PBX3: variants seen among roughly 807,000 people sequenced by gnomAD.
The protein encoded by PBX3 is PBX homeobox 3.
A neutral mutation model predicts 48.5 loss-of-function variants in PBX3; 14 were observed. The observed-to-expected ratio is 0.29, with a 90% CI of 0.19 to 0.45. PBX3 has a LOEUF of 0.45. Among genes scored for constraint, PBX3 ranks in the 20% least tolerant of loss-of-function variants. The pLI, the probability that PBX3 is intolerant of heterozygous loss-of-function variation, is 1.00. For synonymous variants in PBX3, 210 were observed against 200.3 expected (o/e 1.05, Z -0.41); for missense variants, 386 against 546.7 (o/e 0.71, Z 2.93).
At chr9:125,897,252 A>T (rs376188436) in intron 2 of PBX3, among the ~76,000 whole-genome samples, 19 of 149,104 alleles carry the variant, frequency 1.3e-4, no homozygotes, top group African/African-American at 4.4e-4. Flanking sequence ...CATTGGAATG[A>T]TAGGACATTT....
intron 2 of PBX3, among the ~76,000 whole-genome samples, chr9:125,756,397 A>G (rs1428174912): frequency 5.3e-5 from 8 of 152,150 alleles, no homozygotes; most frequent in Middle Eastern, 3.2e-3. Flanking sequence ...GAAAGGGAGG[A>G]AGACAGACCT....
chr9:125,929,840 T>C lies in PBX3; in HGVS notation c.702T>C (p.Asp234=). Residue 234 remains aspartate (D), a synonymous_variant, in exon 4 of 9, where the codon GAT becomes GAC. Transcript: ENST00000373489. ...AVMILRSRFL[D]ARRKRRNFSK... ...TGATTTTAAGATCAAGGTTCCTTGATGCCAGGTATGTGAAGCCATAAATCT... is the reference window on the plus strand; with the variant it reads ...TGATTTTAAGATCAAGGTTCCTTGACGCCAGGTATGTGAAGCCATAAATCT... 2 of 1,611,430 alleles carry C rather than the reference T, an allele frequency of 1.2e-6. No individual in the cohort carries two copies. The highest frequency in any genetic ancestry group is 1.7e-6 in the Non-Finnish European group (2 of 1,177,676).
chr9:125,791,285 G>GTC (rs1163039509), intron 2 of PBX3, among the ~76,000 whole-genome samples: 1 of 57,126 alleles, frequency 1.8e-5, no homozygotes, highest in Non-Finnish European at 4.2e-5. Flanking sequence ...ATTTTTATCT[G>GTC]TCTGTCTGTC....
intron 2 of PBX3, among the ~76,000 whole-genome samples, chr9:125,843,228 A>G (rs1839334281): frequency 6.6e-6 from 1 of 152,154 alleles, no homozygotes; most frequent in African/African-American, 2.4e-5. Context: ...CCCATAAGAG[A>G]CTGACATTCT....
At chr9:125,863,709 G>A (rs1839917030) in intron 2 of PBX3, among the ~76,000 whole-genome samples, 1 of 152,056 alleles carries the variant, frequency 6.6e-6, no homozygotes, top group African/African-American at 2.4e-5. Flanking sequence ...TAAGAAACCA[G>A]CATTTCTTAT....
rs538714901 is a variant in PBX3 at position 125,966,279 on chromosome 9, A to C, written c.*356A>C. ...AAAGTACAATATACACTAAACCTCA[A>C]CCGTTAAAGCAGATGCAAAAATTCA... is the stretch of plus-strand genomic sequence containing the variant. On this transcript the variant is annotated 3_prime_UTR_variant, in exon 9 of 9. Coordinates refer to ENST00000373489, the MANE Select transcript of PBX3 (RefSeq NM_006195.6). 1 of 162,270 alleles carries C rather than the reference A, an allele frequency of 6.2e-6. No homozygotes were observed. The highest frequency in any genetic ancestry group is 2.4e-5 in the African/African-American group (1 of 41,780). The allele number at this position is 162,270 out of a possible 1,614,324, so 10.1% of individuals were successfully genotyped here.
intron 5 of PBX3, among the ~76,000 whole-genome samples, chr9:125,948,328 T>A (rs1200924549): frequency 2.0e-5 from 3 of 152,222 alleles, no homozygotes; most frequent in Non-Finnish European, 4.4e-5. Flanking sequence ...ATTTGAAAGT[T>A]GACTATATTC....
At chr9:125,823,149 A>C (rs1277958117) in intron 2 of PBX3, among the ~76,000 whole-genome samples, 2 of 152,186 alleles carry the variant, frequency 1.3e-5, no homozygotes, top group East Asian at 3.8e-4. Flanking sequence ...AAACTCCAAA[A>C]TACAGTTGTG....
chr9:125,784,437 T>A (rs1032251715), intron 2 of PBX3, among the ~76,000 whole-genome samples: 3 of 152,182 alleles, frequency 2.0e-5, no homozygotes, highest in African/African-American at 7.2e-5. Context: ...CCAGGTTTTG[T>A]GATTTTGTTG....
chr9:125,937,572 G>A (rs575197696), intron 5 of PBX3, among the ~76,000 whole-genome samples: 1 of 152,236 alleles, frequency 6.6e-6, no homozygotes, highest in East Asian at 1.9e-4. Context: ...TCAGAAATAA[G>A]TTATGCTTAT....
chr9:125,776,389 C>G (rs1391227180), intron 2 of PBX3, among the ~76,000 whole-genome samples: 1 of 151,666 alleles, frequency 6.6e-6, no homozygotes, highest in East Asian at 1.9e-4. Flanking sequence ...GGACTAAATT[C>G]CATTTGGTCA....
At chr9:125,965,312 C>G (rs1020978071) in intron 8 of PBX3, among the ~76,000 whole-genome samples, 2 of 152,194 alleles carry the variant, frequency 1.3e-5, no homozygotes, top group African/African-American at 4.8e-5. Context: ...GCGGCTCATG[C>G]ATTTTCATTC....
chr9:125,780,782 C>T (rs1837265314), intron 2 of PBX3, among the ~76,000 whole-genome samples: 2 of 146,592 alleles, frequency 1.4e-5, no homozygotes, highest in Non-Finnish European at 1.5e-5. Flanking sequence ...GGCTGACCCC[C>T]CCACCTCCCT....
chr9:125,829,511 G>A (rs557441236), intron 2 of PBX3, among the ~76,000 whole-genome samples: 3 of 152,208 alleles, frequency 2.0e-5, no homozygotes, highest in Admixed American at 2.0e-4. Flanking sequence ...CTAGTCAGGG[G>A]TTGCTTTAAA....
rs533572535 is a variant in PBX3, at chr9:125,929,241, A to G, written c.517-414A>G. Among the ~76,000 whole-genome samples, 21 of 152,328 alleles carry G rather than the reference A, an allele frequency of 1.4e-4. No individual in the cohort carries two copies. The South Asian group carries it at 4.3e-3, about 32-fold the overall frequency. On this transcript the variant is annotated intron_variant, in intron 3 of 8. Transcript: ENST00000373489. Reference sequence around the variant, plus strand: ...TGCTCATTTCTGTGTTCCTTATAGCACTGGCAAGAGTTTGAACTTTGTAGT... The same window carrying G: ...TGCTCATTTCTGTGTTCCTTATAGCGCTGGCAAGAGTTTGAACTTTGTAGT...
intron 3 of PBX3, among the ~76,000 whole-genome samples, chr9:125,927,786 C>T (rs1841611232): frequency 6.6e-6 from 1 of 152,160 alleles, no homozygotes; most frequent in African/African-American, 2.4e-5. Flanking sequence ...CACCTGTAAT[C>T]CTAGCAGCTC....
At chr9:125,844,885 A>G (rs1246163005) in intron 2 of PBX3, 2 of 152,056 alleles carry the variant, frequency 1.3e-5, no homozygotes, top group Non-Finnish European at 2.9e-5. Flanking sequence ...CATTCGCTGA[A>G]CCATAATGAA....
intron 2 of PBX3, among the ~76,000 whole-genome samples, chr9:125,856,987 T>C (rs1016122178): frequency 2.6e-5 from 4 of 152,236 alleles, no homozygotes; most frequent in Admixed American, 1.3e-4. Flanking sequence ...GTTTAATTTC[T>C]TGAAAGTTCA....
At chr9:125,753,894 G>A (rs1210679101) in intron 2 of PBX3, among the ~76,000 whole-genome samples, 2 of 151,914 alleles carry the variant, frequency 1.3e-5, no homozygotes, top group Non-Finnish European at 2.9e-5. Context: ...TTTTGTAAAA[G>A]GTTACTTCTG....
Sources: allele counts gnomAD v4.1 joint callset (sites outside exome capture counted in the v4.1 genomes callset), GRCh38; gene constraint gnomAD v4.1.1; transcripts MANE v1.5; gene names NCBI Gene and HGNC (gene_info 2026-07-23, HGNC 2026-07-21).